Variants in MAN1B1 observed in about 807,000 individuals in gnomAD.
MAN1B1 encodes mannosidase alpha class 1B member 1.
In MAN1B1, 66 loss-of-function variants were observed where a neutral mutation model predicts 75.5. That is an observed-to-expected ratio of 0.87 (90% CI 0.72 to 1.07). MAN1B1 has a LOEUF of 1.07. Among genes scored for constraint, MAN1B1 ranks in the 50% least tolerant of loss-of-function variants. The pLI, the probability that MAN1B1 is intolerant of heterozygous loss-of-function variation, is 0.00. For synonymous variants in MAN1B1, 453 were observed against 382.8 expected (o/e 1.18, Z -2.14); for missense variants, 973 against 912.5 (o/e 1.07, Z -0.85).
rs1398641241 is a variant in MAN1B1 at position 137,096,147 on chromosome 9, T to C, written c.466-90T>C. On this transcript the variant is annotated intron_variant, in intron 3 of 12. Coordinates refer to ENST00000371589, the MANE Select transcript of MAN1B1 (RefSeq NM_016219.5). ...GAGGTCAGAAGCTCAGTCTGTGAGGTGTGGGCTGCACCTGAGGGCGTCCCA... is the reference window on the plus strand; with the variant it reads ...GAGGTCAGAAGCTCAGTCTGTGAGGCGTGGGCTGCACCTGAGGGCGTCCCA... The C allele has an allele frequency of 4.5e-6, 6 of 1,344,708 alleles. No homozygotes were observed. The African/African-American group carries it at 5.8e-5, about 13-fold the overall frequency. 83.3% of individuals were successfully genotyped at this position (1,344,708 alleles called of 1,614,324 possible). A position where few individuals can be genotyped will look rare whatever the true frequency, so the allele number is the denominator to read the frequency against.
intron 3 of MAN1B1, among the ~76,000 whole-genome samples, chr9:137,093,705 G>A (rs1830576235): frequency 6.6e-6 from 1 of 151,856 alleles, no homozygotes; most frequent in Admixed American, 6.6e-5. Context: ...GTGGTGGCAG[G>A]CACCTATAGT....
chr9:137,091,521 A>ATTTTTTTTTTTTTTTTTTTTTTT (rs964752016), intron 3 of MAN1B1, among the ~76,000 whole-genome samples: 1 of 89,926 alleles, frequency 1.1e-5, no homozygotes, highest in Non-Finnish European at 2.3e-5. Flanking sequence ...TTTGTTTTAT[A>ATTTTTTTTTTTTTTTTTTTTTTT]TTTTTTTTTT....
chr9:137,107,446 A>T lies in MAN1B1; in HGVS notation c.1763A>T (p.Lys588Met). ...CCGGGCCGTCGGGACGTGGAGGTCAAGGTGGGCCTGGGCCTGGGTCAGGGT... is the reference window on the plus strand; with the variant it reads ...CCGGGCCGTCGGGACGTGGAGGTCATGGTGGGCCTGGGCCTGGGTCAGGGT... ...PQPGRRDVEV[K>M]PADRHNLLRP... Residue 588 changes from lysine to methionine, a missense_variant and splice_region_variant, in exon 11 of 13, where the codon AAG (lysine) becomes ATG (methionine). Coordinates refer to ENST00000371589, the MANE Select transcript of MAN1B1 (RefSeq NM_016219.5). The T allele has an allele frequency of 6.2e-7, 1 of 1,613,270 alleles. No individual in the cohort carries two copies. Among genetic ancestry groups the T allele is most frequent in the Non-Finnish European group, 8.5e-7 (1 of 1,179,938 alleles).
In MAN1B1 at chr9:137,101,555, C is replaced by G. The variant is rs141425542; in HGVS notation, c.1137C>G (p.Ile379Met). Residue 379 changes from isoleucine to methionine, a missense_variant, in exon 8 of 13, where the codon ATC becomes ATG. Ile to Met is a conservative substitution (Grantham distance 10). Transcript: ENST00000371589. ...AGATTCCTTACTCGGATGTGAACAT[C>G]GGTACTGGAGTTGCCCACCCGCCAC... ...PSKIPYSDVNIGTGVAHPPRW... is the reference protein window; with the variant it reads ...PSKIPYSDVNMGTGVAHPPRW... 5 of 1,613,884 alleles carry G rather than the reference C, an allele frequency of 3.1e-6. No homozygotes were observed. In the South Asian group the frequency reaches 5.5e-5, roughly 18 times the overall value.
At chr9:137,105,819 G>T (rs779416221) in intron 8 of MAN1B1, 8 of 559,824 alleles carry the variant, frequency 1.4e-5, no homozygotes, top group South Asian at 9.2e-5. Context: ...GACAGTGCCT[G>T]TGGTTGTCAG....
At chr9:137,102,769 C>G in intron 8 of MAN1B1, 1 of 221,002 alleles carries the variant, frequency 4.5e-6, no homozygotes, top group Non-Finnish European at 9.0e-6. Flanking sequence ...CACTTGCAGG[C>G]GTGCAGGTCG....
intron 4 of MAN1B1, 124 bp downstream of exon 4, chr9:137,096,515 A>G: frequency 1.5e-6 from 2 of 1,290,784 alleles, no homozygotes; most frequent in Non-Finnish European, 2.2e-6. Context: ...ATGCTCTGTA[A>G]TCTGTCCTCA....
intron 8 of MAN1B1, chr9:137,103,135 C>A (rs1176395429): frequency 2.3e-6 from 1 of 432,094 alleles, no homozygotes; most frequent in Non-Finnish European, 4.5e-6. Context: ...GCGTGCAGGT[C>A]GGTGGTGTTA....
intron 10 of MAN1B1, 154 bp from the exon 11 acceptor site, chr9:137,107,096 A>G (rs1831138159): frequency 2.4e-6 from 2 of 839,686 alleles, no homozygotes; most frequent in Non-Finnish European, 3.7e-6. Context: ...TGGTCCAGGC[A>G]GCTCCGCTGT....
Position 137,087,035 on chromosome 9 carries a change from C to G in MAN1B1, c.36C>G (p.Leu12=), listed in dbSNP as rs536416852. The change falls in exon 1 of 13, where the codon CTC becomes CTG. Residue 12 remains leucine (L), a synonymous_variant. Coordinates refer to ENST00000371589, the MANE Select transcript of MAN1B1 (RefSeq NM_016219.5). ...GCGAGGGCAGGAGAAGCGGAGCTCT[C>G]GGTTCCTCTCAGTCGGACTTCCTGA... The part of the protein sequence containing the change: ...AACEGRRSGA[L]GSSQSDFLTP... 152 of 1,603,066 alleles carry G rather than the reference C, an allele frequency of 9.5e-5. 1 individual carries two copies. In the South Asian group the frequency reaches 1.6e-3, roughly 17 times the overall value.
At chr9:137,093,626 T>G (rs1335164212) in intron 3 of MAN1B1, among the ~76,000 whole-genome samples, 6 of 151,974 alleles carry the variant, frequency 3.9e-5, no homozygotes, top group African/African-American at 1.2e-4. Flanking sequence ...GTCAGGAGAT[T>G]GAGACCATCC....
intron 5 of MAN1B1, among the ~76,000 whole-genome samples, chr9:137,098,406 C>T (rs543927760): frequency 6.6e-6 from 1 of 152,382 alleles, no homozygotes; most frequent in Non-Finnish European, 1.5e-5. Flanking sequence ...GTTCTCCAGA[C>T]TGAAAAGCAG....
intron 8 of MAN1B1, chr9:137,105,863 C>T (rs758524018): frequency 1.6e-6 from 1 of 642,354 alleles, no homozygotes; most frequent in Non-Finnish European, 2.9e-6. Context: ...TGAGAGCCAT[C>T]CTGAAGATGG....
chr9:137,087,211 G>A lies in MAN1B1; in HGVS notation c.212G>A (p.Cys71Tyr), dbSNP rs746906629. The A allele has an allele frequency of 1.9e-6, 3 of 1,577,148 alleles. No individual in the cohort carries two copies. Among genetic ancestry groups the A allele is most frequent in the Admixed American group, 1.8e-5 (1 of 54,398 alleles). ...AGCAAGAGTTGGCGGCGGCGCTCGTGCTGGAGGGTGAGGGTCGCGCCGGGC... is the reference window on the plus strand; with the variant it reads ...AGCAAGAGTTGGCGGCGGCGCTCGTACTGGAGGGTGAGGGTCGCGCCGGGC... ...DNSKSWRRRS[C>Y]WRKWKQLSRL... Residue 71 changes from cysteine (C) to tyrosine (Y), a missense_variant, in exon 1 of 13, where the codon TGC becomes TAC. By Grantham distance (194) the Cys-to-Tyr change is radical. Transcript: ENST00000371589.
intron 3 of MAN1B1, among the ~76,000 whole-genome samples, chr9:137,093,823 G>A (rs566476312): frequency 1.2e-3 from 188 of 151,938 alleles, no homozygotes; most frequent in African/African-American, 4.5e-3. Flanking sequence ...GACAGAGCAA[G>A]ACTCTGTCTC....
rs1035235945 is a variant in MAN1B1, at chr9:137,108,782, G to A, written c.*191G>A. On this transcript the variant is annotated 3_prime_UTR_variant, in exon 13 of 13. Coordinates refer to ENST00000371589, the MANE Select transcript of MAN1B1 (RefSeq NM_016219.5). ...CAAGTGAGGCCGTCAGTCTTGGTGTGATGCGGGGTGGGCTGGGCCGCTGGA... is the reference window on the plus strand; with the variant it reads ...CAAGTGAGGCCGTCAGTCTTGGTGTAATGCGGGGTGGGCTGGGCCGCTGGA... The A allele has an allele frequency of 2.3e-5, 16 of 705,826 alleles. No homozygotes were observed. The highest frequency in any genetic ancestry group is 3.9e-5 in the Non-Finnish European group (15 of 389,190). 43.7% of individuals were successfully genotyped at this position (705,826 alleles called of 1,614,324 possible).
chr9:137,102,022 T>C, intron 8 of MAN1B1: 1 of 483,936 alleles, frequency 2.1e-6, no homozygotes, highest in Non-Finnish European at 4.0e-6. Context: ...TTCATGCTGT[T>C]GCAGGCGTGC....
At position 137,107,337 on chromosome 9, in the gene MAN1B1, C is replaced by T; in HGVS notation, c.1654C>T (p.Leu552Phe). Residue 552 changes from leucine (L) to phenylalanine (F), a missense_variant, in exon 11 of 13, where the codon CTC becomes TTC. Physicochemically the swap from Leu to Phe is conservative, Grantham distance 22. Coordinates refer to ENST00000371589, the MANE Select transcript of MAN1B1 (RefSeq NM_016219.5). The stretch of plus-strand genomic sequence containing the variant: ...CAGCCACATGGAGCTGGCCCAGGAG[C>T]TCATGGAGACTTGTTACCAGATGAA... The part of the protein sequence containing the change: ...PASHMELAQE[L>F]METCYQMNRQ... 2.5e-6 allele frequency: 4 copies of T among 1,613,312 alleles called. No homozygotes were observed. Among genetic ancestry groups the T allele is most frequent in the Non-Finnish European group, 3.4e-6 (4 of 1,179,994 alleles).
intron 3 of MAN1B1, chr9:137,089,281 A>G (rs1281840371): frequency 6.3e-6 from 3 of 477,354 alleles, no homozygotes; most frequent in African/African-American, 3.9e-5. Flanking sequence ...CACAGCTGGT[A>G]GGAGAGGCTG....
Sources: allele counts gnomAD v4.1 joint callset (sites outside exome capture counted in the v4.1 genomes callset), GRCh38; gene constraint gnomAD v4.1.1; transcripts MANE v1.5; gene names NCBI Gene and HGNC (gene_info 2026-07-23, HGNC 2026-07-21).